The following NRXN3 variants were observed in gnomAD, a reference collection of about 807,000 sequenced individuals.
The protein encoded by NRXN3 is neurexin III.
Under a neutral mutation model 137.6 loss-of-function variants are expected in NRXN3, and 32 were observed. The ratio of observed to expected loss-of-function variants is 0.23; its 90% CI spans 0.18 to 0.31. The LOEUF (loss-of-function observed/expected upper bound fraction) is 0.31. NRXN3 is among the 10% of genes least tolerant of loss of function. The pLI, the probability that NRXN3 is intolerant of heterozygous loss-of-function variation, is 1.00. For synonymous variants in NRXN3, 798 were observed against 784.5 expected (o/e 1.02, Z -0.29); for missense variants, 1,574 against 2,062.5 (o/e 0.76, Z 4.59).
chr14:79,157,064 G>T (rs2060316946), intron 15 of NRXN3, among the ~76,000 whole-genome samples: 1 of 151,628 alleles, frequency 6.6e-6, no homozygotes, highest in South Asian at 2.1e-4. Context: ...TGCTTATTTT[G>T]GTGTTAATTG....
intron 10 of NRXN3, among the ~76,000 whole-genome samples, chr14:78,823,054 T>C (rs893258390): frequency 2.0e-5 from 3 of 152,206 alleles, no homozygotes; most frequent in Non-Finnish European, 4.4e-5. Context: ...GAAGGCATTG[T>C]CTATTTCAGT....
intron 11 of NRXN3, among the ~76,000 whole-genome samples, chr14:78,961,751 C>A (rs1382246471): frequency 6.6e-6 from 1 of 152,186 alleles, no homozygotes; most frequent in Non-Finnish European, 1.5e-5. Context: ...GGCAGTACAG[C>A]CCTGGACTCT....
intron 15 of NRXN3, among the ~76,000 whole-genome samples, chr14:79,197,093 T>C (rs1376399957): frequency 1.3e-5 from 2 of 152,192 alleles, no homozygotes; most frequent in Non-Finnish European, 2.9e-5. Flanking sequence ...GGGCAAATTC[T>C]TTTCTGTTTC....
intron 19 of NRXN3, among the ~76,000 whole-genome samples, chr14:79,785,535 A>G (rs1375322370): frequency 2.0e-5 from 3 of 152,132 alleles, no homozygotes; most frequent in Non-Finnish European, 2.9e-5. Context: ...ATCAAAGCCA[A>G]AGACCATCAT....
At chr14:78,238,163 C>T (rs1170764100) in intron 1 of NRXN3, among the ~76,000 whole-genome samples, 1 of 151,454 alleles carries the variant, frequency 6.6e-6, no homozygotes, top group East Asian at 1.9e-4. Flanking sequence ...ACCACCCTGC[C>T]CCCTCCTAAG....
chr14:79,149,191 G>A (rs1596489464), intron 15 of NRXN3, among the ~76,000 whole-genome samples: 2 of 152,170 alleles, frequency 1.3e-5, no homozygotes, highest in East Asian at 3.9e-4. Flanking sequence ...GGGGAATGTG[G>A]GGATGCGAGG....
intron 10 of NRXN3, among the ~76,000 whole-genome samples, chr14:78,814,451 C>T (rs528638326): frequency 3.9e-5 from 6 of 152,178 alleles, no homozygotes; most frequent in South Asian, 4.2e-4. Context: ...CCCATTTCTA[C>T]TAAAAATACA....
chr14:78,988,331 A>G (rs1195736186), intron 15 of NRXN3, 190 bp downstream of exon 15: 1 of 652,430 alleles, frequency 1.5e-6, no homozygotes. Context: ...GCTTAACAAC[A>G]CTAAATATTC....
chr14:79,519,954 A>C (rs931026535), intron 16 of NRXN3, among the ~76,000 whole-genome samples: 1 of 152,014 alleles, frequency 6.6e-6, no homozygotes, highest in Admixed American at 6.6e-5. Flanking sequence ...ACTTTTGACT[A>C]CTTCATCTAT....
intron 15 of NRXN3, among the ~76,000 whole-genome samples, chr14:79,340,499 C>G (rs1050649388): frequency 3.3e-5 from 5 of 152,124 alleles, no homozygotes; most frequent in Non-Finnish European, 7.3e-5. Context: ...GAGTTTTCCT[C>G]TTATTGCCCA....
intron 19 of NRXN3, among the ~76,000 whole-genome samples, chr14:79,700,470 CA>C (rs768114255): frequency 6.6e-6 from 1 of 151,978 alleles, no homozygotes; most frequent in Non-Finnish European, 1.5e-5. Context: ...ATTGTCAAAG[CA>C]AAGTTTTCCT....
chr14:79,109,526 AG>A (rs1469663159), intron 15 of NRXN3, among the ~76,000 whole-genome samples: 1 of 152,182 alleles, frequency 6.6e-6, no homozygotes, highest in Non-Finnish European at 1.5e-5. Context: ...TCATACATGA[AG>A]GAAATGAATA....
chr14:79,254,092 C>T (rs527561715), intron 15 of NRXN3, among the ~76,000 whole-genome samples: 34 of 152,224 alleles, frequency 2.2e-4, no homozygotes, highest in African/African-American at 7.9e-4. Flanking sequence ...TACCCTTCTT[C>T]CTATAAGAAG....
intron 10 of NRXN3, among the ~76,000 whole-genome samples, chr14:78,879,433 A>G (rs1188918177): frequency 4.6e-5 from 7 of 152,098 alleles, no homozygotes; most frequent in Non-Finnish European, 1.0e-4. Context: ...GTATAAGGTG[A>G]TATTTCGTTG....
At chr14:78,649,253 C>T (rs1052616839) in intron 5 of NRXN3, 34 of 1,341,730 alleles carry the variant, frequency 2.5e-5, no homozygotes, top group Non-Finnish European at 3.1e-5. Context: ...CCTTTCTTCC[C>T]CCTTCTCCGC....
chr14:79,286,207 C>T (rs1019935499), intron 15 of NRXN3, among the ~76,000 whole-genome samples: 1 of 152,106 alleles, frequency 6.6e-6, no homozygotes, highest in African/African-American at 2.4e-5. Context: ...AGACCTGCTA[C>T]CCTTCTGACC....
rs111855554 is a variant in NRXN3 at position 78,456,848 on chromosome 14, T to G, written c.757+158988T>G. On this transcript the variant is annotated intron_variant, in intron 4 of 20. Transcript: ENST00000335750. ...TTCTTTCTTTCTTTCTTTCTTTCTT[T>G]CTTTCTTTTTCTCTTTCTTTCTTTC... Among the ~76,000 whole-genome samples the G allele has an allele frequency of 9.0e-3, 1,208 of 133,924 alleles. 16 individuals are homozygous for G. The highest frequency in any genetic ancestry group is 0.029 in the African/African-American group (1,158 of 39,546). The allele number at this position is 133,924 out of a possible 152,430, so 87.9% of individuals were successfully genotyped here.
intron 16 of NRXN3, among the ~76,000 whole-genome samples, chr14:79,511,082 G>A (rs2153689821): frequency 6.6e-6 from 1 of 152,240 alleles, no homozygotes; most frequent in Middle Eastern, 3.4e-3. Context: ...GAAGAAATAG[G>A]AAAAAGACCA....
At chr14:78,453,509 AAG>A (rs1425599570) in intron 4 of NRXN3, among the ~76,000 whole-genome samples, 3 of 152,204 alleles carry the variant, frequency 2.0e-5, no homozygotes, top group African/African-American at 7.2e-5. Context: ...GATCCAACAT[AAG>A]AGAGCATCCC....
Sources: gnomAD v4.1 joint callset for allele counts (sites outside exome capture counted in the v4.1 genomes callset) on GRCh38, gnomAD v4.1.1 for gene constraint, MANE v1.5 for transcripts, NCBI Gene and HGNC (gene_info 2026-07-23, HGNC 2026-07-21) for gene names.